The following EBF3 variants were observed in gnomAD, a reference collection of about 807,000 sequenced individuals.
The protein encoded by EBF3 is EBF transcription factor 3.
In EBF3, 18 loss-of-function variants were observed where a neutral mutation model predicts 77.1. The ratio of observed to expected loss-of-function variants is 0.23; its 90% CI spans 0.16 to 0.35. The LOEUF (loss-of-function observed/expected upper bound fraction) is 0.35, where lower values mean the gene tolerates loss of function less well. EBF3 is among the 10% of genes least tolerant of loss of function. The pLI, the probability that EBF3 is intolerant of heterozygous loss-of-function variation, is 1.00. For missense variants in EBF3, 558 were observed against 860.0 expected (o/e 0.65, Z 4.39); for synonymous variants, 350 against 343.5 (o/e 1.02, Z -0.21).
At chr10:129,962,335 A>G (rs1215857305) in intron 3 of EBF3, 109 bp from the exon 4 acceptor site, 2 of 933,950 alleles carry the variant, frequency 2.1e-6, no homozygotes, top group East Asian at 4.9e-5. Context: ...ACGGTGATGC[A>G]GCAGAACTTA....
At position 129,932,895 on chromosome 10, in the gene EBF3, C is replaced by CTTT. The variant is rs35568967; in HGVS notation, c.554+24360_554+24362dup. Among the ~76,000 whole-genome samples the CTTT allele has an allele frequency of 5.2e-3, 660 of 126,382 alleles. 11 individuals carry two copies. The highest frequency in any genetic ancestry group is 0.02 in the South Asian group (77 of 3,850). The allele number at this position is 126,382 out of a possible 152,430, so 82.9% of individuals were successfully genotyped here. ...AAACTTCAACCATTTCTTTTTTTTC[C>CTTT]TTTTTTTTTTTTTTTTTTCAATTTC... On this transcript the variant is annotated intron_variant, in intron 6 of 16. Coordinates refer to ENST00000440978, the MANE Select transcript of EBF3 (RefSeq NM_001375380.1).
At position 129,868,668 on chromosome 10, in the gene EBF3, G is replaced by A. The variant is rs149163225; in HGVS notation, c.782-756C>T. ...GGGTGCAGGGGGGAGGGGACCAAGA[G>A]GCCACAGCCCAGGGAGACAGGCAGG... On this transcript the variant is annotated intron_variant, in intron 8 of 16. Transcript: ENST00000440978. Among the ~76,000 whole-genome samples the A allele has an allele frequency of 6.9e-3, 1,055 of 152,338 alleles. 6 individuals are homozygous for A. The highest frequency in any genetic ancestry group is 0.011 in the Non-Finnish European group (746 of 68,020).
chr10:129,867,704 C>A (rs1852121741), intron 9 of EBF3, 78 bp downstream of exon 9: 2 of 1,585,548 alleles, frequency 1.3e-6, no homozygotes, highest in Non-Finnish European at 8.6e-7. Flanking sequence ...CACCTTGTGT[C>A]AATACACTAT....
chr10:129,840,511 G>T, intron 14 of EBF3, 69 bp from the exon 15 acceptor site: 5 of 1,498,068 alleles, frequency 3.3e-6, no homozygotes, highest in Non-Finnish European at 4.5e-6. Context: ...GGCACCAAAG[G>T]CCTCGCCTCG....
At chr10:129,898,817 G>A (rs745795097) in intron 6 of EBF3, among the ~76,000 whole-genome samples, 9 of 152,192 alleles carry the variant, frequency 5.9e-5, no homozygotes, top group Non-Finnish European at 1.0e-4. Context: ...GTGACAGCTC[G>A]CCGCTGCCCC....
chr10:129,867,851 G>C lies in EBF3; in HGVS notation c.843C>G (p.Val281=). ...SEGWTTGGAT[V]IIIGDNFFDG... ...CAAAGAAGTTGTCGCCAATTATGATGACGGTGGCACCCCCCGTGGTCCAGC... is the reference window on the plus strand; with the variant it reads ...CAAAGAAGTTGTCGCCAATTATGATCACGGTGGCACCCCCCGTGGTCCAGC... Residue 281 remains valine (V), a synonymous_variant, in exon 9 of 17, where the codon GTC becomes GTG. Coordinates refer to ENST00000440978, the MANE Select transcript of EBF3 (RefSeq NM_001375380.1). 1 of 1,614,262 alleles carries C rather than the reference G, an allele frequency of 6.2e-7. No homozygotes were observed. Among genetic ancestry groups the C allele is most frequent in the Non-Finnish European group, 8.5e-7 (1 of 1,180,052 alleles).
chr10:129,898,381 T>C (rs959464229), intron 6 of EBF3, among the ~76,000 whole-genome samples: 1 of 152,136 alleles, frequency 6.6e-6, no homozygotes, highest in African/African-American at 2.4e-5. Context: ...ACAATCAGGC[T>C]TTCTTTGGGG....
At chr10:129,907,126 G>A (rs963716748) in intron 6 of EBF3, among the ~76,000 whole-genome samples, 7 of 152,218 alleles carry the variant, frequency 4.6e-5, no homozygotes, top group African/African-American at 1.7e-4. Context: ...CCAGAGAAGG[G>A]GGAAGCGGCT....
rs1395421296 is a variant in EBF3, at chr10:129,962,217, G to A, written c.365C>T (p.Thr122Ile). Residue 122 changes from threonine (T) to isoleucine (I), a missense_variant, in exon 4 of 17, where the codon ACA (threonine) becomes ATA (isoleucine). Coordinates refer to ENST00000440978, the MANE Select transcript of EBF3 (RefSeq NM_001375380.1). ...GAGGCGAACATACAGATCTTGCTCT[G>A]TTCTGACTCCTGCAAAAAAACAGAG... ...LQLLYSNGVR[T>I]EQDLYVRLID... The A allele has an allele frequency of 6.2e-7, 1 of 1,614,104 alleles. No individual in the cohort carries two copies.
At chr10:129,958,844 G>A (rs894375273) in intron 5 of EBF3, 90 bp downstream of exon 5, 6 of 1,438,942 alleles carry the variant, frequency 4.2e-6, no homozygotes, top group Non-Finnish European at 4.6e-6. Flanking sequence ...GGAGCTGGGC[G>A]GGGTGGCGGC....
rs1857315646 is a variant in EBF3, at chr10:129,935,778, C to A, written c.554+21480G>T. On this transcript the variant is annotated intron_variant, in intron 6 of 16. Coordinates refer to ENST00000440978, the MANE Select transcript of EBF3 (RefSeq NM_001375380.1). This position sits in a 1 kb window ranked among gnomAD's most constrained non-coding sequence, Gnocchi z 4.2. ...AAGCCCATCTGGAGCAGAGCTTGGC[C>A]CTGCCACACCGGGGCCTCAGGCAAA... is the stretch of plus-strand genomic sequence containing the variant. Among the ~76,000 whole-genome samples, 1 of 152,228 alleles carries A rather than the reference C, an allele frequency of 6.6e-6. No individual in the cohort carries two copies. The highest frequency in any genetic ancestry group is 2.1e-4 in the South Asian group (1 of 4,828).
intron 6 of EBF3, among the ~76,000 whole-genome samples, chr10:129,898,626 T>C (rs1194192775): frequency 7.9e-5 from 12 of 152,362 alleles, no homozygotes; most frequent in Admixed American, 2.0e-4. Context: ...TATTTAAAAC[T>C]AAACTGTTGG....
intron 6 of EBF3, among the ~76,000 whole-genome samples, chr10:129,927,858 C>T (rs1856775711): frequency 6.6e-6 from 1 of 152,174 alleles, no homozygotes; most frequent in African/African-American, 2.4e-5. Flanking sequence ...CTCCTCTGCC[C>T]TGCTCAGTTA....
chr10:129,919,670 A>G (rs1856131983), intron 6 of EBF3, among the ~76,000 whole-genome samples: 1 of 152,194 alleles, frequency 6.6e-6, no homozygotes, highest in Non-Finnish European at 1.5e-5. Context: ...TGACTGCTGC[A>G]GGGGGCAAGG....
At chr10:129,869,697 C>T (rs73381753) in intron 8 of EBF3, among the ~76,000 whole-genome samples, 2,180 of 152,268 alleles carry the variant, frequency 0.014, 41 homozygotes, top group African/African-American at 0.05. Context: ...GCCGACATGC[C>T]ACCTTCCTTT....
intron 6 of EBF3, among the ~76,000 whole-genome samples, chr10:129,918,010 A>G (rs1589855512): frequency 6.6e-6 from 1 of 152,318 alleles, no homozygotes; most frequent in East Asian, 1.9e-4. Flanking sequence ...TTCAACCCCC[A>G]TCAGCTCTGC....
intron 6 of EBF3, among the ~76,000 whole-genome samples, chr10:129,925,428 T>C (rs1230654603): frequency 6.6e-6 from 1 of 151,610 alleles, no homozygotes; most frequent in Non-Finnish European, 1.5e-5. Context: ...CCGTTTCTAC[T>C]AAAAATACAA....
chr10:129,935,455 C>A lies in EBF3; in HGVS notation c.554+21803G>T, dbSNP rs952853240. Among the ~76,000 whole-genome samples, 44 of 152,214 alleles carry A rather than the reference C, an allele frequency of 2.9e-4. No individual in the cohort carries two copies. The highest frequency in any genetic ancestry group is 1.0e-3 in the African/African-American group (43 of 41,458). ...GTGCTGCAAACTCCCACCAACGGGA[C>A]CTCCTTGAGGACAGAGCAGCTGCCA... is the stretch of plus-strand genomic sequence containing the variant. On this transcript the variant is annotated intron_variant, in intron 6 of 16. Coordinates refer to ENST00000440978, the MANE Select transcript of EBF3 (RefSeq NM_001375380.1). This position sits in a 1 kb window ranked among gnomAD's most constrained non-coding sequence, Gnocchi z 4.2.
intron 15 of EBF3, 113 bp downstream of exon 15, chr10:129,840,132 G>T: frequency 2.2e-6 from 3 of 1,367,022 alleles, no homozygotes; most frequent in Non-Finnish European, 2.0e-6. Flanking sequence ...GGCCACGGGA[G>T]AACATGCAGC....
Sources: gnomAD v4.1 joint callset for allele counts (sites outside exome capture counted in the v4.1 genomes callset) on GRCh38, gnomAD v4.1.1 for gene constraint, Gnocchi (gnomAD v3.1) non-coding constraint, MANE v1.5 for transcripts, NCBI Gene and HGNC (gene_info 2026-07-23, HGNC 2026-07-21) for gene names.